The following ZDHHC17 variants were observed in gnomAD, a reference collection of about 807,000 sequenced individuals.
ZDHHC17 encodes the protein palmitoyltransferase ZDHHC17.
In ZDHHC17, 40 loss-of-function variants were observed where a neutral mutation model predicts 90.3. The ratio of observed to expected loss-of-function variants is 0.44; its 90% CI spans 0.34 to 0.58. The LOEUF is 0.58. Ranked by LOEUF, ZDHHC17 falls within the 20% of genes least tolerant of loss-of-function variation. The probability of loss-of-function intolerance (pLI) is 0.01; values close to 1 mark genes in which losing one functional copy is unlikely to be tolerated. For synonymous variants in ZDHHC17, 235 were observed against 252.4 expected (o/e 0.93, Z 0.65); for missense variants, 614 against 780.8 (o/e 0.79, Z 2.55).
At position 76,764,231 on chromosome 12, in the gene ZDHHC17, C is replaced by T. The variant is rs781328194; in HGVS notation, c.-6C>T. On this transcript the variant is annotated 5_prime_UTR_variant, in exon 1 of 17. Coordinates refer to ENST00000426126, the MANE Select transcript of ZDHHC17 (RefSeq NM_015336.4). ...GCCCCGGGAGGGTGAAACGCTTTCT[C>T]CCAGCATGCAGCGGGAGGAGGGATT... is the stretch of plus-strand genomic sequence containing the variant. 3.8e-6 allele frequency: 6 copies of T among 1,590,062 alleles called. No individual in the cohort carries two copies. The African/African-American group carries it at 8.1e-5, about 21-fold the overall frequency.
intron 1 of ZDHHC17, among the ~76,000 whole-genome samples, chr12:76,769,624 T>A (rs1952470469): frequency 6.6e-6 from 1 of 152,056 alleles, no homozygotes; most frequent in South Asian, 2.1e-4. Context: ...ATGTTATAGG[T>A]CATATAATAA....
intron 16 of ZDHHC17, chr12:76,849,679 TC>T (rs1953539930): frequency 2.8e-6 from 1 of 359,106 alleles, no homozygotes; most frequent in Non-Finnish European, 4.9e-6. Flanking sequence ...TATATTTTTT[TC>T]TTTTTAATTT....
chr12:76,786,684 C>T (rs2137730834), intron 1 of ZDHHC17, among the ~76,000 whole-genome samples: 1 of 152,302 alleles, frequency 6.6e-6, no homozygotes, highest in Middle Eastern at 3.4e-3. Context: ...CCACTGCACC[C>T]AGCTGAATTT....
chr12:76,765,886 A>G (rs1372812138), intron 1 of ZDHHC17, among the ~76,000 whole-genome samples: 1 of 151,944 alleles, frequency 6.6e-6, no homozygotes, highest in Non-Finnish European at 1.5e-5. Flanking sequence ...TTATTTGTAG[A>G]AGAAGAGGTC....
At chr12:76,779,084 A>G (rs951588929) in intron 1 of ZDHHC17, among the ~76,000 whole-genome samples, 2 of 152,214 alleles carry the variant, frequency 1.3e-5, no homozygotes, top group African/African-American at 4.8e-5. Flanking sequence ...TCTGAGGTAC[A>G]GGGGTTAGAG....
rs537587845 is a variant in ZDHHC17, at chr12:76,818,368, G to A, written c.771+2349G>A. Among the ~76,000 whole-genome samples the A allele has an allele frequency of 5.3e-5, 8 of 152,208 alleles. 1 individual carries two copies. The South Asian group carries it at 8.3e-4, about 16-fold the overall frequency. ...TCTAATAGAAACCATGTATTTATTC[G>A]TTCAGCAAATTCTTATTCAATGGTG... is the stretch of plus-strand genomic sequence containing the variant. On this transcript the variant is annotated intron_variant, in intron 7 of 16. Coordinates refer to ENST00000426126, the MANE Select transcript of ZDHHC17 (RefSeq NM_015336.4).
chr12:76,846,252 C>G, intron 13 of ZDHHC17: 1 of 261,822 alleles, frequency 3.8e-6, no homozygotes, highest in Non-Finnish European at 7.2e-6. Flanking sequence ...TTGTTTACCT[C>G]TGTTGAAGAG....
chr12:76,774,385 T>A (rs1211150572), intron 1 of ZDHHC17, among the ~76,000 whole-genome samples: 1 of 151,000 alleles, frequency 6.6e-6, no homozygotes, highest in Non-Finnish European at 1.5e-5. Context: ...TGAAAGCGGG[T>A]GTCTCTTGTT....
In ZDHHC17 at chr12:76,842,005, C is replaced by T; in HGVS notation, c.1165C>T (p.Leu389Phe). The change falls in exon 11 of 17, where the codon CTT (leucine) becomes TTT (phenylalanine). Residue 389 changes from leucine (L) to phenylalanine (F), a missense_variant. Transcript: ENST00000426126. ...WNDLNFLFIH[L>F]PFLANSVALF... The stretch of plus-strand genomic sequence containing the variant: ...ACATCTCAACTTTTTATTTATCCAT[C>T]TTCCATTCCTTGCCAATAGTGTTGC... 1 of 1,583,242 alleles carries T rather than the reference C, an allele frequency of 6.3e-7. No homozygotes were observed. Among genetic ancestry groups the T allele is most frequent in the Non-Finnish European group, 8.6e-7 (1 of 1,165,714 alleles).
intron 3 of ZDHHC17, 35 bp from the exon 4 acceptor site, chr12:76,809,008 A>C: frequency 7.6e-7 from 1 of 1,321,222 alleles, no homozygotes; most frequent in Non-Finnish European, 1.0e-6. Context: ...TTGAAAATGA[A>C]AGTTATTTAA....
At chr12:76,839,759 G>A (rs1372233000) in intron 10 of ZDHHC17, among the ~76,000 whole-genome samples, 4 of 152,100 alleles carry the variant, frequency 2.6e-5, no homozygotes, top group African/African-American at 9.7e-5. Flanking sequence ...AATTGGCAGC[G>A]TTTTTTCATT....
chr12:76,842,427 G>A (rs1341916690), intron 11 of ZDHHC17, among the ~76,000 whole-genome samples: 2 of 152,150 alleles, frequency 1.3e-5, no homozygotes, highest in Non-Finnish European at 1.5e-5. Flanking sequence ...TTTGCTGAAT[G>A]ACTATGTAAA....
At chr12:76,825,689 A>T (rs1203572381) in intron 8 of ZDHHC17, among the ~76,000 whole-genome samples, 1 of 152,094 alleles carries the variant, frequency 6.6e-6, no homozygotes, top group African/African-American at 2.4e-5. Flanking sequence ...GAAAAAAAAA[A>T]ATCCCACTTA....
At chr12:76,838,449 C>T (rs1953395378) in intron 10 of ZDHHC17, among the ~76,000 whole-genome samples, 1 of 151,978 alleles carries the variant, frequency 6.6e-6, no homozygotes, top group Non-Finnish European at 1.5e-5. Context: ...TTTTCCTGTC[C>T]TGTTTGGTAC....
intron 10 of ZDHHC17, among the ~76,000 whole-genome samples, chr12:76,836,997 A>T (rs1253696115): frequency 6.6e-6 from 1 of 152,218 alleles, no homozygotes; most frequent in Non-Finnish European, 1.5e-5. Flanking sequence ...TCTTGCAAAT[A>T]GCATATAGGA....
intron 7 of ZDHHC17, among the ~76,000 whole-genome samples, chr12:76,819,541 C>A (rs1318822022): frequency 6.6e-6 from 1 of 152,146 alleles, no homozygotes; most frequent in Non-Finnish European, 1.5e-5. Context: ...ATAAGATCCC[C>A]TTTCCCTAAA....
chr12:76,818,930 A>C (rs1953124924), intron 7 of ZDHHC17, among the ~76,000 whole-genome samples: 1 of 152,222 alleles, frequency 6.6e-6, no homozygotes, highest in South Asian at 2.1e-4. Context: ...AGAGTTAAGA[A>C]AATGGAAAAG....
At position 76,850,948 on chromosome 12, in the gene ZDHHC17, A is replaced by C; in HGVS notation, c.1862A>C (p.Tyr621Ser). 1.9e-6 allele frequency: 3 copies of C among 1,613,950 alleles called. No individual in the cohort carries two copies. The highest frequency in any genetic ancestry group is 2.5e-6 in the Non-Finnish European group (3 of 1,179,864). The part of the protein sequence containing the change: ...VDWTRQYTIE[Y>S]DQISGSGYQL... ...TGGACCAGGCAGTATACAATAGAAT[A>C]TGACCAAATATCAGGATCTGGGTAC... is the stretch of plus-strand genomic sequence containing the variant. Residue 621 changes from tyrosine (Y) to serine (S), a missense_variant, in exon 17 of 17, where the codon TAT (tyrosine) becomes TCT (serine). Physicochemically the swap from Tyr to Ser is moderately radical, Grantham distance 144 (BLOSUM62 -2). Around this residue, in one of 5 missense-constraint regions of ZDHHC17, gnomAD observed 28 missense variants for 20.0 expected, o/e 1.40. Transcript: ENST00000426126.
intron 1 of ZDHHC17, among the ~76,000 whole-genome samples, chr12:76,791,925 A>G (rs1952763856): frequency 6.6e-6 from 1 of 152,336 alleles, no homozygotes; most frequent in African/African-American, 2.4e-5. Flanking sequence ...AAAGAGATGT[A>G]TGGGAGGAGG....
Sources: allele counts gnomAD v4.1 joint callset (sites outside exome capture counted in the v4.1 genomes callset), GRCh38; gene constraint gnomAD v4.1.1; regional missense constraint gnomAD v4.1.1; transcripts MANE v1.5; gene names NCBI Gene and HGNC (gene_info 2026-07-23, HGNC 2026-07-21).